Variants in ARHGAP24 observed in about 807,000 individuals in gnomAD.
ARHGAP24 encodes the protein rho GTPase-activating protein 24.
Under a neutral mutation model 76.4 loss-of-function variants are expected in ARHGAP24, and 50 were observed. The observed-to-expected ratio is 0.65, with a 90% CI of 0.52 to 0.83. The LOEUF (loss-of-function observed/expected upper bound fraction) is 0.83. Among genes scored for constraint, ARHGAP24 ranks in the 40% least tolerant of loss-of-function variants. The pLI, the probability that ARHGAP24 is intolerant of heterozygous loss-of-function variation, is 0.00. For missense variants in ARHGAP24, 930 were observed against 914.2 expected, an observed-to-expected ratio of 1.02 and a Z score of -0.22; for synonymous variants, 345 against 323.3, an observed-to-expected ratio of 1.07 and a Z score of -0.72.
chr4:85,963,930 T>C (rs956084570), intron 5 of ARHGAP24, among the ~76,000 whole-genome samples: 7 of 152,148 alleles, frequency 4.6e-5, no homozygotes, highest in Non-Finnish European at 1.0e-4. Context: ...CTTTAAGTTT[T>C]AGGGTACATG....
At chr4:85,631,048 G>C (rs1479593799) in intron 2 of ARHGAP24, among the ~76,000 whole-genome samples, 1 of 152,004 alleles carries the variant, frequency 6.6e-6, no homozygotes, top group East Asian at 1.9e-4. Flanking sequence ...CAGAGAGAGA[G>C]GGAGAGTGAG....
At chr4:85,485,377 ATATATATATATAT>A (rs1200571452) in intron 1 of ARHGAP24, among the ~76,000 whole-genome samples, 14 of 10,376 alleles carry the variant, frequency 1.3e-3, no homozygotes, top group East Asian at 5.4e-3. Flanking sequence ...AAAAAAAAAA[ATATATATATATAT>A]ATATATATAT....
chr4:85,691,146 G>A (rs1723640660), intron 2 of ARHGAP24, among the ~76,000 whole-genome samples: 2 of 152,130 alleles, frequency 1.3e-5, no homozygotes, highest in Admixed American at 6.5e-5. Context: ...CCATGTAATT[G>A]TGTAGTTTTC....
chr4:85,955,235 C>T (rs1018710987), intron 5 of ARHGAP24, among the ~76,000 whole-genome samples: 3 of 151,846 alleles, frequency 2.0e-5, no homozygotes, highest in African/African-American at 4.8e-5. Flanking sequence ...GCCTACCCCC[C>T]ACCCCGACCC....
chr4:85,669,603 T>A (rs1722749841), intron 2 of ARHGAP24, among the ~76,000 whole-genome samples: 1 of 141,522 alleles, frequency 7.1e-6, no homozygotes, highest in African/African-American at 2.6e-5. Context: ...AAATCTGAAT[T>A]AAAAAGTTAC....
chr4:85,965,672 A>G (rs1020748121), intron 5 of ARHGAP24, among the ~76,000 whole-genome samples: 2 of 152,168 alleles, frequency 1.3e-5, no homozygotes, highest in African/African-American at 4.8e-5. Flanking sequence ...AGAATAAAAT[A>G]TCAATGCCAA....
chr4:85,524,663 C>T (rs1321378502), intron 1 of ARHGAP24, among the ~76,000 whole-genome samples: 1 of 152,126 alleles, frequency 6.6e-6, no homozygotes, highest in Non-Finnish European at 1.5e-5. Context: ...AGTCCAAAGC[C>T]TATACTGGAA....
intron 2 of ARHGAP24, among the ~76,000 whole-genome samples, chr4:85,679,736 T>G (rs1723131263): frequency 6.6e-6 from 1 of 152,162 alleles, no homozygotes; most frequent in Non-Finnish European, 1.5e-5. Flanking sequence ...GCCACTCGCC[T>G]TCCTGACATG....
chr4:85,629,112 C>G (rs1239670565), intron 2 of ARHGAP24, among the ~76,000 whole-genome samples: 1 of 151,980 alleles, frequency 6.6e-6, no homozygotes, highest in Non-Finnish European at 1.5e-5. Context: ...TTGTCTTTAT[C>G]TTTTGTGAAT....
At chr4:85,652,462 C>T (rs1721982090) in intron 2 of ARHGAP24, among the ~76,000 whole-genome samples, 1 of 152,106 alleles carries the variant, frequency 6.6e-6, no homozygotes. Flanking sequence ...TTAAGATTAG[C>T]ATTGACAGTT....
chr4:85,937,082 G>A (rs914560493), intron 4 of ARHGAP24, among the ~76,000 whole-genome samples: 10 of 152,168 alleles, frequency 6.6e-5, no homozygotes, highest in African/African-American at 2.4e-4. Flanking sequence ...AAGCAGAAGA[G>A]CGGCATGATC....
At chr4:85,699,200 A>G (rs1723978048) in intron 2 of ARHGAP24, among the ~76,000 whole-genome samples, 1 of 152,228 alleles carries the variant, frequency 6.6e-6, no homozygotes, top group African/African-American at 2.4e-5. Context: ...GATTTGAATC[A>G]GAGACTACAG....
chr4:85,632,177 A>T (rs532889588), intron 2 of ARHGAP24, among the ~76,000 whole-genome samples: 13 of 151,752 alleles, frequency 8.6e-5, no homozygotes, highest in Non-Finnish European at 1.6e-4. Flanking sequence ...TCACCTCATG[A>T]TTCATCTATT....
intron 2 of ARHGAP24, among the ~76,000 whole-genome samples, chr4:85,700,782 G>T (rs546542102): frequency 2.3e-4 from 35 of 152,282 alleles, no homozygotes; most frequent in East Asian, 5.8e-4. Flanking sequence ...TTGATGTAAA[G>T]TAGACATGGT....
intron 2 of ARHGAP24, among the ~76,000 whole-genome samples, chr4:85,648,119 C>T (rs983292652): frequency 5.3e-5 from 8 of 152,046 alleles, no homozygotes; most frequent in East Asian, 1.9e-4. Flanking sequence ...GAAATGTGTA[C>T]GCACTTACAG....
intron 1 of ARHGAP24, among the ~76,000 whole-genome samples, chr4:85,525,736 C>T (rs1317536749): frequency 2.0e-5 from 3 of 152,174 alleles, no homozygotes; most frequent in Non-Finnish European, 4.4e-5. Flanking sequence ...TGTCTCATTA[C>T]ATACCTGTCA....
chr4:85,946,542 C>T (rs1337652798), intron 5 of ARHGAP24, among the ~76,000 whole-genome samples: 1 of 152,020 alleles, frequency 6.6e-6, no homozygotes, highest in Non-Finnish European at 1.5e-5. Context: ...CCATGTTTAC[C>T]CAATGTTTAG....
chr4:85,817,912 T>A (rs1729309139), intron 3 of ARHGAP24, among the ~76,000 whole-genome samples: 1 of 152,218 alleles, frequency 6.6e-6, no homozygotes, highest in Non-Finnish European at 1.5e-5. Flanking sequence ...AATGTTATAA[T>A]ATTGACCACT....
chr4:85,694,561 T>C (rs574849107), intron 2 of ARHGAP24, among the ~76,000 whole-genome samples: 1 of 152,230 alleles, frequency 6.6e-6, no homozygotes, highest in East Asian at 1.9e-4. Context: ...TTATAATCTC[T>C]AAATGACTAG....
Sources: gnomAD v4.1 joint callset for allele counts (sites outside exome capture counted in the v4.1 genomes callset) on GRCh38, gnomAD v4.1.1 for gene constraint, MANE v1.5 for transcripts, NCBI Gene and HGNC (gene_info 2026-07-23, HGNC 2026-07-21) for gene names.